The following ADAMTS2 variants were observed in gnomAD, a reference collection of about 807,000 sequenced individuals.
The protein encoded by ADAMTS2 is A disintegrin and metalloproteinase with thrombospondin motifs 2.
In ADAMTS2, 50 loss-of-function variants were observed where a neutral mutation model predicts 123.0. That is an observed-to-expected ratio of 0.41 (90% CI 0.32 to 0.51). The LOEUF (loss-of-function observed/expected upper bound fraction) is 0.51. ADAMTS2 is among the 20% of genes least tolerant of loss of function. The pLI, the probability that ADAMTS2 is intolerant of heterozygous loss-of-function variation, is 0.35. For missense variants in ADAMTS2, 1,494 were observed against 1,705.2 expected, an observed-to-expected ratio of 0.88 and a Z score of 2.18; for synonymous variants, 678 against 695.4, an observed-to-expected ratio of 0.98 and a Z score of 0.39.
rs1433567267 is a variant in ADAMTS2 at position 179,162,923 on chromosome 5, C to T, written c.976-4044G>A. On this transcript the variant is annotated intron_variant, in intron 5 of 21. Coordinates refer to ENST00000251582, the MANE Select transcript of ADAMTS2 (RefSeq NM_014244.5). The surrounding 1 kb of genome is among the most constrained non-coding windows in gnomAD (Gnocchi z 5.1). The stretch of plus-strand genomic sequence containing the variant: ...ACACTCGCTGGCCCATGAAAGATGG[C>T]GTCTGATCTGGGGGCAGCTGATATG... Among the ~76,000 whole-genome samples the T allele has an allele frequency of 7.2e-5, 11 of 152,272 alleles. No individual in the cohort carries two copies. In the East Asian group the frequency reaches 1.7e-3, roughly 24 times the overall value.
At chr5:179,120,236 T>C (rs995867995) in intron 21 of ADAMTS2, 1 of 152,130 alleles carries the variant, frequency 6.6e-6, no homozygotes, top group Non-Finnish European at 1.5e-5. Context: ...CTTTCCATCA[T>C]TAGTAAGAAT....
chr5:179,241,625 TTCCTTTGGGCAGAATTCA>T (rs1765673654), intron 3 of ADAMTS2, among the ~76,000 whole-genome samples: 1 of 152,224 alleles, frequency 6.6e-6, no homozygotes, highest in African/African-American at 2.4e-5. Context: ...TTGAAGAAGT[TTCCTTTGGGCAGAATTCA>T]AGTTTCCTCT....
chr5:179,215,653 G>A (rs1297878963), intron 3 of ADAMTS2, among the ~76,000 whole-genome samples: 1 of 152,240 alleles, frequency 6.6e-6, no homozygotes, highest in South Asian at 2.1e-4. Context: ...AAACAACAAG[G>A]GAACTGTGGG....
In ADAMTS2 at chr5:179,310,556, CCCGGCTGGGGTGAGGGA is replaced by C. The variant is rs1478680388; in HGVS notation, c.534+33194_534+33210del. ...CTGGGCCACCCACCGGTGCTAGAATCCCGGCTGGGGTGAGGGATGGTGGTGCAGAGCCTGGCTATGCA... is the reference window on the plus strand; with the variant it reads ...CTGGGCCACCCACCGGTGCTAGAATCTGGTGGTGCAGAGCCTGGCTATGCA... On this transcript the variant is annotated intron_variant, in intron 2 of 21. Transcript: ENST00000251582. 1.4e-4 allele frequency among the ~76,000 whole-genome samples: 21 copies of C among 152,298 alleles called. 1 individual carries two copies. In the South Asian group the frequency reaches 2.3e-3, roughly 17 times the overall value.
chr5:179,336,373 G>A (rs1469527903), intron 2 of ADAMTS2, among the ~76,000 whole-genome samples: 4 of 152,240 alleles, frequency 2.6e-5, no homozygotes, highest in Non-Finnish European at 4.4e-5. Flanking sequence ...TAATTCACAA[G>A]AGGAAGACCC....
rs1764729964 is a variant in ADAMTS2, at chr5:179,207,531, C to G, written c.873G>C (p.Leu291=). 6.3e-7 allele frequency: 1 copy of G among 1,593,136 alleles called. No individual in the cohort carries two copies. Among genetic ancestry groups the G allele is most frequent in the Non-Finnish European group, 8.6e-7 (1 of 1,168,228 alleles). ...FHGKEHVQKY[L]LTLMNIVNEI... Reference sequence around the variant, plus strand: ...CACTCACAATGTTCATGAGTGTCAGCAGGTACTTCTGTACGTGCTCCTTCC... The same window carrying G: ...CACTCACAATGTTCATGAGTGTCAGGAGGTACTTCTGTACGTGCTCCTTCC... Residue 291 remains leucine, a synonymous_variant, in exon 4 of 22, where the codon CTG becomes CTC. Coordinates refer to ENST00000251582, the MANE Select transcript of ADAMTS2 (RefSeq NM_014244.5).
intron 3 of ADAMTS2, among the ~76,000 whole-genome samples, chr5:179,226,257 CTTTCTT>C (rs1765282201): frequency 8.6e-6 from 1 of 116,868 alleles, no homozygotes; most frequent in Non-Finnish European, 2.1e-5. Context: ...TCTTTCTTCT[CTTTCTT>C]CTTTCCTTCT....
chr5:179,246,379 T>C (rs1265343353), intron 3 of ADAMTS2, among the ~76,000 whole-genome samples: 1 of 152,200 alleles, frequency 6.6e-6, no homozygotes, highest in Non-Finnish European at 1.5e-5. Flanking sequence ...TTGTCAAAAG[T>C]ATTTAAAGGT....
At chr5:179,126,589 T>C (rs1413715749) in intron 17 of ADAMTS2, among the ~76,000 whole-genome samples, 1 of 152,218 alleles carries the variant, frequency 6.6e-6, no homozygotes, top group African/African-American at 2.4e-5. Context: ...ACATGTTTGG[T>C]TGTCACAACT....
chr5:179,146,829 TAATA>T (rs1195490440), intron 10 of ADAMTS2, among the ~76,000 whole-genome samples: 2 of 152,366 alleles, frequency 1.3e-5, no homozygotes, highest in East Asian at 1.9e-4. Flanking sequence ...CTTTCCTTTC[TAATA>T]AATAAATTAG....
Position 179,302,377 on chromosome 5 carries a change from CTCAAAAAAAA to C in ADAMTS2, c.535-29323_535-29314del, listed in dbSNP as rs1404805996. Among the ~76,000 whole-genome samples the C allele has an allele frequency of 2.1e-4, 17 of 79,264 alleles. No homozygotes were observed. In the Admixed American group the frequency reaches 2.4e-3, roughly 11 times the overall value. 52.0% of individuals were successfully genotyped at this position (79,264 alleles called of 152,430 possible). On this transcript the variant is annotated intron_variant, in intron 2 of 21. Coordinates refer to ENST00000251582, the MANE Select transcript of ADAMTS2 (RefSeq NM_014244.5). ...GCTCTGGGCGACAGAGCAAGACCGT[CTCAAAAAAAA>C]AAAAAAAAAAAAAAAAAAAAGCGGG...
At position 179,238,114 on chromosome 5, in the gene ADAMTS2, T is replaced by G. The variant is rs562513375; in HGVS notation, c.689-30399A>C. 5.3e-5 allele frequency among the ~76,000 whole-genome samples: 8 copies of G among 152,290 alleles called. No homozygotes were observed. The South Asian group carries it at 1.5e-3, about 28-fold the overall frequency. On this transcript the variant is annotated intron_variant, in intron 3 of 21. Transcript: ENST00000251582. ...GAAACAGCCAAGCTGTTCTGTGGCT[T>G]GGAAGAAACAAGCAGTTCCATCCAC...
intron 17 of ADAMTS2, among the ~76,000 whole-genome samples, chr5:179,126,420 C>T (rs970513445): frequency 1.3e-5 from 2 of 152,230 alleles, no homozygotes; most frequent in African/African-American, 4.8e-5. Context: ...TGCTAGGCAC[C>T]GCTTCTACCT....
At chr5:179,223,107 C>T (rs1051399025) in intron 3 of ADAMTS2, among the ~76,000 whole-genome samples, 2 of 152,238 alleles carry the variant, frequency 1.3e-5, no homozygotes, top group African/African-American at 2.4e-5. Flanking sequence ...TTCATTCACT[C>T]GTCAAGTATT....
chr5:179,257,811 A>AC (rs1314322133), intron 3 of ADAMTS2, among the ~76,000 whole-genome samples: 1 of 151,910 alleles, frequency 6.6e-6, no homozygotes, highest in Non-Finnish European at 1.5e-5. Flanking sequence ...CCGCCTCCTG[A>AC]CCCCCATCCC....
intron 4 of ADAMTS2, among the ~76,000 whole-genome samples, chr5:179,205,303 C>T (rs771242646): frequency 2.6e-5 from 4 of 152,222 alleles, no homozygotes; most frequent in Non-Finnish European, 4.4e-5. Flanking sequence ...TGGACTGTCA[C>T]TAAACAGTGC....
At chr5:179,205,813 T>C (rs1183778274) in intron 4 of ADAMTS2, among the ~76,000 whole-genome samples, 11 of 150,240 alleles carry the variant, frequency 7.3e-5, no homozygotes, top group Middle Eastern at 3.2e-3. Flanking sequence ...GCTCTGTCAC[T>C]GAGGCTAGAG....
In ADAMTS2 at chr5:179,228,660, G is replaced by A. The variant is rs1246770420; in HGVS notation, c.689-20945C>T. Among the ~76,000 whole-genome samples, 1 of 152,252 alleles carries A rather than the reference G, an allele frequency of 6.6e-6. No homozygotes were observed. The highest frequency in any genetic ancestry group is 1.5e-5 in the Non-Finnish European group (1 of 68,042). The stretch of plus-strand genomic sequence containing the variant: ...CCAGCCCCAGAACCCACCATGCGCG[G>A]CTGGGCCGACTGTGCCTGCCCTTAA... On this transcript the variant is annotated intron_variant, in intron 3 of 21. Coordinates refer to ENST00000251582, the MANE Select transcript of ADAMTS2 (RefSeq NM_014244.5). The surrounding 1 kb of genome is among the most constrained non-coding windows in gnomAD (Gnocchi z 5.2).
rs1355195938 is a variant in ADAMTS2, at chr5:179,285,102, G to A, written c.535-12038C>T. Among the ~76,000 whole-genome samples, 1 of 152,188 alleles carries A rather than the reference G, an allele frequency of 6.6e-6. No homozygotes were observed. Among genetic ancestry groups the A allele is most frequent in the Non-Finnish European group, 1.5e-5 (1 of 68,036 alleles). On this transcript the variant is annotated intron_variant, in intron 2 of 21. Coordinates refer to ENST00000251582, the MANE Select transcript of ADAMTS2 (RefSeq NM_014244.5). The surrounding 1 kb of genome is among the most constrained non-coding windows in gnomAD (Gnocchi z 4.9). ...ACAGCACGTGATAAATCAGCCGACT[G>A]GCAGCACCATCACCATCATGATGAT...
Sources: allele counts gnomAD v4.1 joint callset (sites outside exome capture counted in the v4.1 genomes callset), GRCh38; gene constraint gnomAD v4.1.1; non-coding constraint Gnocchi (gnomAD v3.1); transcripts MANE v1.5; gene names NCBI Gene and HGNC (gene_info 2026-07-23, HGNC 2026-07-21).